OR10J1: variants seen among roughly 807,000 people sequenced by gnomAD.
The protein encoded by OR10J1 is olfactory receptor 10J1.
For synonymous variants in OR10J1, 202 were observed against 143.8 expected (o/e 1.40, Z -2.89); for missense variants, 474 against 376.6 (o/e 1.26, Z -2.14).
At chr1:159,430,225 G>C in the OR10J1 span, among the ~76,000 whole-genome samples, 1 of 151,350 alleles carries the variant, frequency 6.6e-6, no homozygotes, top group Non-Finnish European at 1.5e-5. Context: ...CCTTAAGGAA[G>C]GCAAAGCTTC....
the OR10J1 span, among the ~76,000 whole-genome samples, chr1:159,413,874 A>G: frequency 6.7e-6 from 1 of 148,558 alleles, no homozygotes; most frequent in Non-Finnish European, 1.5e-5. Context: ...AAATAAATAA[A>G]AATAAAAAAA....
chr1:159,430,327 C>A, the OR10J1 span, among the ~76,000 whole-genome samples: 1 of 152,148 alleles, frequency 6.6e-6, no homozygotes. Flanking sequence ...CAGATTGTGA[C>A]ACTCAGCATT....
the OR10J1 span, among the ~76,000 whole-genome samples, chr1:159,406,798 G>A: frequency 3.3e-5 from 5 of 152,022 alleles, no homozygotes; most frequent in Non-Finnish European, 7.4e-5. Flanking sequence ...TAAATATCTG[G>A]GTTTAATCCA....
At chr1:159,430,640 G>GGTTGT in the OR10J1 span, among the ~76,000 whole-genome samples, 2 of 140,828 alleles carry the variant, frequency 1.4e-5, no homozygotes, top group African/African-American at 2.7e-5. Flanking sequence ...AAAAAATTAT[G>GGTTGT]GTGTGTGTGT....
chr1:159,404,915 A>C, the OR10J1 span, among the ~76,000 whole-genome samples: 1 of 152,178 alleles, frequency 6.6e-6, no homozygotes, highest in African/African-American at 2.4e-5. Flanking sequence ...TATAAACTAT[A>C]AAGCGATGTA....
the OR10J1 span, among the ~76,000 whole-genome samples, chr1:159,400,583 T>A: frequency 6.7e-6 from 1 of 150,016 alleles, no homozygotes; most frequent in South Asian, 2.1e-4. Context: ...ACATAAAATT[T>A]AAATATAAAG....
the OR10J1 span, among the ~76,000 whole-genome samples, chr1:159,414,245 C>G: frequency 6.6e-6 from 1 of 152,108 alleles, no homozygotes; most frequent in African/African-American, 2.4e-5. Context: ...TCACCACCCT[C>G]CTACCCACAC....
chr1:159,418,088 G>A, the OR10J1 span, among the ~76,000 whole-genome samples: 1 of 152,162 alleles, frequency 6.6e-6, no homozygotes, highest in Non-Finnish European at 1.5e-5. Flanking sequence ...GCTGTTAAAA[G>A]CATTTAGTTT....
chr1:159,398,406 A>G, the OR10J1 span, among the ~76,000 whole-genome samples: 1 of 152,222 alleles, frequency 6.6e-6, no homozygotes, highest in African/African-American at 2.4e-5. Context: ...CAAATTAACT[A>G]AATAAGGCAC....
the OR10J1 span, among the ~76,000 whole-genome samples, chr1:159,413,744 A>G: frequency 8.6e-5 from 13 of 151,530 alleles, no homozygotes; most frequent in Non-Finnish European, 1.3e-4. Context: ...ATGCTAAATG[A>G]TGAGTTAATG....
At chr1:159,420,054 T>C in the OR10J1 span, among the ~76,000 whole-genome samples, 1 of 152,158 alleles carries the variant, frequency 6.6e-6, no homozygotes, top group Non-Finnish European at 1.5e-5. Flanking sequence ...GCTGAATTTC[T>C]CTGTTGTTAT....
rs771116309 is a variant in OR10J1, at chr1:159,440,586, C to T, written c.795C>T (p.Asn265=). 6.8e-6 allele frequency: 11 copies of T among 1,613,850 alleles called. No individual in the cohort carries two copies. The highest frequency in any genetic ancestry group is 2.7e-5 in the African/African-American group (2 of 74,854). ...CCTACCTCAAGCCCAAGTCAGAGAA[C>T]ACCAGAGAACATGACCAGCTGATCT... ...SIAYLKPKSE[N]TREHDQLISV... Residue 265 remains asparagine, a synonymous_variant, in exon 1 of 1, where the codon AAC becomes AAT. Coordinates refer to ENST00000423932, the MANE Select transcript of OR10J1 (RefSeq NM_012351.3).
At chr1:159,409,739 A>G in the OR10J1 span, among the ~76,000 whole-genome samples, 1 of 152,094 alleles carries the variant, frequency 6.6e-6, no homozygotes, top group African/African-American at 2.4e-5. Flanking sequence ...ATTATATTGA[A>G]TAGGAGTGGT....
At chr1:159,405,733 A>G in the OR10J1 span, 2 of 855,426 alleles carry the variant, frequency 2.3e-6, no homozygotes, top group South Asian at 2.7e-5. Flanking sequence ...GGAGATAAAG[A>G]TCAGGGCAAT....
At chr1:159,419,159 G>C in the OR10J1 span, among the ~76,000 whole-genome samples, 1 of 152,190 alleles carries the variant, frequency 6.6e-6, no homozygotes, top group African/African-American at 2.4e-5. Context: ...GCTGAAATGA[G>C]TTAAGACTTT....
the OR10J1 span, among the ~76,000 whole-genome samples, chr1:159,404,632 C>T: frequency 6.6e-6 from 1 of 152,102 alleles, no homozygotes; most frequent in Non-Finnish European, 1.5e-5. Flanking sequence ...GACAGCCTTG[C>T]CTGTACTATC....
upstream of OR10J1, among the ~76,000 whole-genome samples, chr1:159,439,354 G>A (rs533678383): frequency 6.6e-6 from 1 of 152,166 alleles, no homozygotes; most frequent in African/African-American, 2.4e-5. Flanking sequence ...GTTTGTATGA[G>A]GTGAGGCAGC....
the OR10J1 span, among the ~76,000 whole-genome samples, chr1:159,420,414 G>A: frequency 3.3e-5 from 5 of 151,918 alleles, no homozygotes; most frequent in East Asian, 9.6e-4. Flanking sequence ...TTTCTCTCTT[G>A]TTGTTTATTA....
the OR10J1 span, among the ~76,000 whole-genome samples, chr1:159,431,400 T>G: frequency 6.6e-6 from 1 of 152,186 alleles, no homozygotes; most frequent in East Asian, 1.9e-4. Flanking sequence ...AGGAGAATGG[T>G]CCTCTCTTGA....
Sources: gnomAD v4.1 joint callset for allele counts (sites outside exome capture counted in the v4.1 genomes callset) on GRCh38, gnomAD v4.1.1 for gene constraint, MANE v1.5 for transcripts, NCBI Gene and HGNC (gene_info 2026-07-23, HGNC 2026-07-21) for gene names.